The following GAN variants were observed in gnomAD, a reference collection of about 807,000 sequenced individuals.
GAN encodes the protein epididymis secretory sperm binding protein.
In GAN, 48 loss-of-function variants were observed where a neutral mutation model predicts 71.3. The ratio of observed to expected loss-of-function variants is 0.67; its 90% confidence interval spans 0.53 to 0.86. The LOEUF (loss-of-function observed/expected upper bound fraction) is 0.86, where lower values mean the gene tolerates loss of function less well. Ranked by LOEUF, GAN falls within the 40% of genes least tolerant of loss-of-function variation. The probability of loss-of-function intolerance (pLI) is 0.00; values close to 1 mark genes in which losing one functional copy is unlikely to be tolerated. For missense variants in GAN, 928 were observed against 770.1 expected (o/e 1.21, Z -2.43); for synonymous variants, 386 against 276.8 (o/e 1.39, Z -3.92).
intron 1 of GAN, among the ~76,000 whole-genome samples, chr16:81,329,574 TAAAA>T (rs1347160771): frequency 6.6e-6 from 1 of 152,196 alleles, no homozygotes. Context: ...AACTGTTCTT[TAAAA>T]AATTGCAGTG....
chr16:81,372,459 A>G (rs1911067228), intron 9 of GAN, among the ~76,000 whole-genome samples: 2 of 152,228 alleles, frequency 1.3e-5, no homozygotes, highest in Admixed American at 6.5e-5. Flanking sequence ...GATAAATGAC[A>G]TGTAAAACCT....
chr16:81,362,619 A>C lies in GAN; in HGVS notation c.1086+8A>C, dbSNP rs766772301. On this transcript the variant is annotated splice_region_variant and intron_variant, in intron 6 of 10. Coordinates refer to ENST00000648994, the MANE Select transcript of GAN (RefSeq NM_022041.4). ...TTGCCACCTATGAACGAGGTAAAAC[A>C]CTAGTTGGTTGGTTTGTTTGATGTG... The C allele has an allele frequency of 4.6e-5, 61 of 1,334,046 alleles. No homozygotes were observed. The highest frequency in any genetic ancestry group is 1.1e-4 in the South Asian group (9 of 85,532). 82.6% of individuals were successfully genotyped at this position (1,334,046 alleles called of 1,614,324 possible).
At chr16:81,373,210 A>C (rs1198782763) in intron 9 of GAN, among the ~76,000 whole-genome samples, 1 of 152,220 alleles carries the variant, frequency 6.6e-6, no homozygotes, top group Admixed American at 6.5e-5. Context: ...TTCACAGCAT[A>C]GAGTAGGGAT....
intron 5 of GAN, 93 bp from the exon 6 acceptor site, chr16:81,362,406 G>C (rs1261737460): frequency 2.6e-6 from 2 of 755,042 alleles, no homozygotes; most frequent in Non-Finnish European, 4.9e-6. Flanking sequence ...TGTCATCAGA[G>C]AGTTTCTTCA....
At chr16:81,368,068 G>C (rs953749150) in intron 9 of GAN, among the ~76,000 whole-genome samples, 1 of 152,068 alleles carries the variant, frequency 6.6e-6, no homozygotes, top group Non-Finnish European at 1.5e-5. Context: ...TGTCTTTCCT[G>C]TCTTTGTTCC....
chr16:81,355,705 G>C (rs1910463940), intron 3 of GAN, among the ~76,000 whole-genome samples: 2 of 152,192 alleles, frequency 1.3e-5, no homozygotes, highest in Admixed American at 1.3e-4. Flanking sequence ...TAAGACACTA[G>C]CTCCAATTAC....
chr16:81,361,371 A>T (rs1314720049), intron 5 of GAN, among the ~76,000 whole-genome samples: 1 of 145,042 alleles, frequency 6.9e-6, no homozygotes, highest in Admixed American at 7.0e-5. Context: ...AACACTACTA[A>T]TTTGGTATTA....
At chr16:81,328,176 C>A (rs550294108) in intron 1 of GAN, among the ~76,000 whole-genome samples, 3 of 152,300 alleles carry the variant, frequency 2.0e-5, no homozygotes, top group African/African-American at 7.2e-5. Flanking sequence ...TCTATACACA[C>A]AAAAAATTGG....
intron 9 of GAN, among the ~76,000 whole-genome samples, chr16:81,370,326 C>T (rs1301183661): frequency 2.0e-5 from 3 of 152,130 alleles, no homozygotes; most frequent in Non-Finnish European, 2.9e-5. Flanking sequence ...AAAAGATGAA[C>T]CCCACCCCCA....
At chr16:81,359,405 GTTTT>G (rs71146005) in intron 5 of GAN, among the ~76,000 whole-genome samples, 3 of 125,112 alleles carry the variant, frequency 2.4e-5, no homozygotes, top group Non-Finnish European at 3.4e-5. Context: ...AGGCTGCATT[GTTTT>G]TTTTTTTTTT....
At position 81,383,819 on chromosome 16, in the gene GAN, G is replaced by C. The variant is rs934666434; in HGVS notation, c.*6223G>C. The C allele has an allele frequency of 2.0e-5, 3 of 152,100 alleles. No individual in the cohort carries two copies. The highest frequency in any genetic ancestry group is 7.2e-5 in the African/African-American group (3 of 41,406). 9.4% of individuals were successfully genotyped at this position (152,100 alleles called of 1,614,324 possible). A position where few individuals can be genotyped will look rare whatever the true frequency, so the allele number is the denominator to read the frequency against. ...GAAGTGAACGAGTAGACACTGAATA[G>C]GATCCACGTAAATGAACGGCCATTT... On this transcript the variant is annotated 3_prime_UTR_variant, in exon 11 of 11. Transcript: ENST00000648994.
intron 9 of GAN, among the ~76,000 whole-genome samples, chr16:81,374,655 G>A (rs796490546): frequency 7.4e-4 from 113 of 152,228 alleles, no homozygotes; most frequent in African/African-American, 2.6e-3. Context: ...TTCCAGCCTC[G>A]GCTGTCAGTA....
Position 81,377,508 on chromosome 16 carries a change from G to T in GAN, c.1706G>T (p.Gly569Val). 1 of 1,614,080 alleles carries T rather than the reference G, an allele frequency of 6.2e-7. No homozygotes were observed. Among genetic ancestry groups the T allele is most frequent in the South Asian group, 1.1e-5 (1 of 91,080 alleles). ...PLLPSDLRRT[G>V]CAALRIANCK... is the part of the protein sequence containing the mutation. ...CTTCCATCCGACCTTCGCCGTACAG[G>T]ATGTGCAGCCTTACGCATTGCGAAT... is the stretch of plus-strand genomic sequence containing the variant. Residue 569 changes from glycine to valine, a missense_variant, in exon 11 of 11, where the codon GGA (glycine) becomes GTA (valine). Physicochemically the swap from Gly to Val is moderately radical, Grantham distance 109. Coordinates refer to ENST00000648994, the MANE Select transcript of GAN (RefSeq NM_022041.4).
chr16:81,342,855 G>GA (rs1162596518), intron 1 of GAN, among the ~76,000 whole-genome samples: 2 of 152,152 alleles, frequency 1.3e-5, no homozygotes, highest in African/African-American at 4.8e-5. Flanking sequence ...TTTTTGAAAA[G>GA]ATCAGCAAAA....
At chr16:81,332,113 A>G (rs906051738) in intron 1 of GAN, among the ~76,000 whole-genome samples, 1 of 151,310 alleles carries the variant, frequency 6.6e-6, no homozygotes, top group Non-Finnish European at 1.5e-5. Flanking sequence ...GTGAGCCGAG[A>G]TGATGCCATT....
intron 1 of GAN, among the ~76,000 whole-genome samples, chr16:81,350,614 C>T (rs962599025): frequency 6.6e-6 from 1 of 151,052 alleles, no homozygotes; most frequent in Non-Finnish European, 1.5e-5. Context: ...CTCCCAGGTT[C>T]GAGCTATTTT....
chr16:81,357,169 A>G (rs1910518592), intron 4 of GAN, among the ~76,000 whole-genome samples, 167 bp downstream of exon 4: 2 of 152,028 alleles, frequency 1.3e-5, no homozygotes, highest in African/African-American at 2.4e-5. Context: ...GGTTAGTTAC[A>G]TATGTATACA....
chr16:81,333,454 G>A (rs1909654583), intron 1 of GAN, among the ~76,000 whole-genome samples: 1 of 152,112 alleles, frequency 6.6e-6, no homozygotes, highest in Non-Finnish European at 1.5e-5. Context: ...TTAAGCAGGT[G>A]GGTAGAAAAT....
At chr16:81,321,487 T>C (rs191684224) in intron 1 of GAN, among the ~76,000 whole-genome samples, 57 of 152,368 alleles carry the variant, frequency 3.7e-4, no homozygotes, top group African/African-American at 1.4e-3. Flanking sequence ...AGTAAAATGC[T>C]CTTCCACATA....
Sources: gnomAD v4.1 joint callset for allele counts (sites outside exome capture counted in the v4.1 genomes callset) on GRCh38, gnomAD v4.1.1 for gene constraint, MANE v1.5 for transcripts, NCBI Gene and HGNC (gene_info 2026-07-23, HGNC 2026-07-21) for gene names.